RIPOR2: variants seen among roughly 807,000 people sequenced by gnomAD.
RIPOR2 encodes the protein RHO family interacting cell polarization regulator 2, also known as rho family-interacting cell polarization regulator 2.
RIPOR2 carries 39 observed loss-of-function variants against 114.5 expected under a neutral mutation model. The ratio of observed to expected loss-of-function variants is 0.34; its 90% CI spans 0.26 to 0.44. The LOEUF (loss-of-function observed/expected upper bound fraction) is 0.44, where lower values mean the gene tolerates loss of function less well. Ranked by LOEUF, RIPOR2 falls within the 20% of genes least tolerant of loss-of-function variation. The pLI, the probability that RIPOR2 is intolerant of heterozygous loss-of-function variation, is 1.00. For synonymous variants in RIPOR2, 445 were observed against 484.4 expected (o/e 0.92, Z 1.07); for missense variants, 1,007 against 1,255.1 (o/e 0.80, Z 2.99).
chr6:24,866,062 G>GAT (rs1179890347), intron 6 of RIPOR2, among the ~76,000 whole-genome samples: 1 of 152,084 alleles, frequency 6.6e-6, no homozygotes, highest in African/African-American at 2.4e-5. Flanking sequence ...GTAACTTGGG[G>GAT]ATATATATTG....
At chr6:24,884,550 G>A (rs1295461805) in intron 1 of RIPOR2, among the ~76,000 whole-genome samples, 4 of 152,120 alleles carry the variant, frequency 2.6e-5, no homozygotes, top group Admixed American at 6.5e-5. Flanking sequence ...TGACGTGAAC[G>A]GATGAAAAAA....
Position 24,883,703 on chromosome 6 carries a change from A to T in RIPOR2, c.62-7886T>A, listed in dbSNP as rs931845239. 1.3e-5 allele frequency among the ~76,000 whole-genome samples: 2 copies of T among 152,264 alleles called. No homozygotes were observed. Among genetic ancestry groups the T allele is most frequent in the Non-Finnish European group, 2.9e-5 (2 of 68,048 alleles). Reference sequence around the variant, plus strand: ...CAAGAGGAAGTGCCAAGAAATCAGGACTTGGAAAAGCTGAATCAGTAAGCA... The same window carrying T: ...CAAGAGGAAGTGCCAAGAAATCAGGTCTTGGAAAAGCTGAATCAGTAAGCA... On this transcript the variant is annotated intron_variant, in intron 1 of 21. Coordinates refer to ENST00000643898, the MANE Select transcript of RIPOR2 (RefSeq NM_001286445.3). This position sits in a 1 kb window ranked among gnomAD's most constrained non-coding sequence, Gnocchi z 4.1.
intron 13 of RIPOR2, chr6:24,840,581 G>T: frequency 6.7e-7 from 1 of 1,485,454 alleles, no homozygotes; most frequent in South Asian, 1.3e-5. Flanking sequence ...CCAGTTAGGT[G>T]ACACTCCTTG....
chr6:24,830,061 G>A (rs1406379341), intron 17 of RIPOR2, among the ~76,000 whole-genome samples: 1 of 152,166 alleles, frequency 6.6e-6, no homozygotes, highest in African/African-American at 2.4e-5. Flanking sequence ...TGCCTCCCAG[G>A]TTCAAGCGAT....
Position 25,031,747 on chromosome 6 carries a change from AT to A in RIPOR2, c.76+10103del, listed in dbSNP as rs1561855917. 2.3e-3 allele frequency among the ~76,000 whole-genome samples: 167 copies of A among 73,468 alleles called. 7 individuals are homozygous for A. Among genetic ancestry groups the A allele is most frequent in the Non-Finnish European group, 3.4e-3 (113 of 32,996 alleles). The allele number at this position is 73,468 out of a possible 152,430, so 48.2% of individuals were successfully genotyped here. ...TATATATATATATATATATATATATATATAAAATATCCATAGAATATATATA... is the reference window on the plus strand; with the variant it reads ...TATATATATATATATATATATATATAATAAAATATCCATAGAATATATATA... On this transcript the variant is annotated intron_variant, in intron 1 of 13. Transcript: ENST00000510784.
chr6:24,865,115 T>G (rs954024865), intron 7 of RIPOR2, among the ~76,000 whole-genome samples, 186 bp downstream of exon 7: 4 of 152,206 alleles, frequency 2.6e-5, no homozygotes, highest in Admixed American at 6.5e-5. Context: ...TCCCAGCTTA[T>G]TCATTCATTT....
In RIPOR2 at chr6:24,977,043, C is replaced by T. The variant is rs188129175; in HGVS notation, c.76+64808G>A. 111 of 1,404,670 alleles carry T rather than the reference C, an allele frequency of 7.9e-5. 1 individual carries two copies. Among genetic ancestry groups the T allele is most frequent in the South Asian group, 6.9e-4 (58 of 84,124 alleles). The allele number at this position is 1,404,670 out of a possible 1,614,324, so 87.0% of individuals were successfully genotyped here. On this transcript the variant is annotated intron_variant, in intron 1 of 13. Coordinates refer to the RIPOR2 transcript ENST00000510784. ...CCTTCTGTAGCTCAGGAGAGCACCC[C>T]TCCACCCCATTTGCTTGCAGTATCC...
intron 1 of RIPOR2, among the ~76,000 whole-genome samples, chr6:24,924,647 T>C (rs16889797): frequency 0.12 from 17,838 of 152,042 alleles, 1,370 homozygotes; most frequent in East Asian, 0.35. Flanking sequence ...TTTAAAAGAG[T>C]ATTAAAATAA....
At chr6:25,012,128 A>G (rs1318411696) in intron 1 of RIPOR2, among the ~76,000 whole-genome samples, 1 of 152,232 alleles carries the variant, frequency 6.6e-6, no homozygotes, top group Non-Finnish European at 1.5e-5. Flanking sequence ...ATCACATGAA[A>G]AGATACTCAG....
chr6:24,885,207 C>G (rs1341337748), intron 1 of RIPOR2, among the ~76,000 whole-genome samples: 1 of 151,982 alleles, frequency 6.6e-6, no homozygotes, highest in Non-Finnish European at 1.5e-5. Context: ...GAAGTGGTAC[C>G]TATTTCTGGG....
chr6:24,990,006 G>A (rs759132956), intron 1 of RIPOR2, among the ~76,000 whole-genome samples: 11 of 151,668 alleles, frequency 7.3e-5, no homozygotes, highest in Non-Finnish European at 1.3e-4. Context: ...ACTTCACCCT[G>A]GGCTATAGCA....
chr6:24,988,633 A>T (rs1774644586), intron 1 of RIPOR2, among the ~76,000 whole-genome samples: 1 of 152,026 alleles, frequency 6.6e-6, no homozygotes, highest in Admixed American at 6.6e-5. Context: ...TAGAAAAGAC[A>T]TCATATATTG....
At chr6:24,843,811 C>T (rs1384808842) in intron 12 of RIPOR2, among the ~76,000 whole-genome samples, 1 of 150,218 alleles carries the variant, frequency 6.7e-6, no homozygotes, top group Non-Finnish European at 1.5e-5. Context: ...AAGTTCATGG[C>T]AATAGTTTCA....
Position 24,850,504 on chromosome 6 carries a change from G to A in RIPOR2, c.885+93C>T, listed in dbSNP as rs1045538906. 45 of 1,395,496 alleles carry A rather than the reference G, an allele frequency of 3.2e-5. No homozygotes were observed. The Middle Eastern group carries it at 7.1e-4, about 22-fold the overall frequency. 86.4% of individuals were successfully genotyped at this position (1,395,496 alleles called of 1,614,324 possible). The stretch of plus-strand genomic sequence containing the variant: ...TGTGCAGAAAAGTCTGTGGGATGGA[G>A]GGGCAACAGGCAGGGGTCACGGGTA... On this transcript the variant is annotated intron_variant, in intron 10 of 21. Coordinates refer to ENST00000643898, the MANE Select transcript of RIPOR2 (RefSeq NM_001286445.3).
intron 1 of RIPOR2, among the ~76,000 whole-genome samples, chr6:24,878,921 TA>T (rs1766082169): frequency 7.1e-6 from 1 of 141,516 alleles, no homozygotes; most frequent in Non-Finnish European, 1.5e-5. Flanking sequence ...GATTGTAAAA[TA>T]ATTTTCCTTC....
At chr6:24,821,171 C>G (rs1425301360) in intron 19 of RIPOR2, among the ~76,000 whole-genome samples, 1 of 146,488 alleles carries the variant, frequency 6.8e-6, no homozygotes, top group African/African-American at 2.5e-5. Context: ...CCGCGCCCAG[C>G]CAGTTTAACA....
At chr6:24,839,050 G>A (rs1761380311) in intron 14 of RIPOR2, 41 bp downstream of exon 14, 1 of 1,488,514 alleles carries the variant, frequency 6.7e-7, no homozygotes, top group Non-Finnish European at 9.1e-7. Flanking sequence ...TGTATCAGCT[G>A]TGACAGGAGA....
chr6:24,964,788 C>T (rs1296995263), intron 1 of RIPOR2, among the ~76,000 whole-genome samples: 1 of 152,236 alleles, frequency 6.6e-6, no homozygotes, highest in Non-Finnish European at 1.5e-5. Flanking sequence ...TTCACATACT[C>T]ACCTGCATTT....
At chr6:24,927,364 ATC>A in intron 1 of RIPOR2, among the ~76,000 whole-genome samples, 2 of 145,232 alleles carry the variant, frequency 1.4e-5, no homozygotes, top group African/African-American at 5.2e-5. Context: ...CGTGAATATC[ATC>A]ATCATCACCT....
Sources: allele counts gnomAD v4.1 joint callset (sites outside exome capture counted in the v4.1 genomes callset), GRCh38; gene constraint gnomAD v4.1.1; non-coding constraint Gnocchi (gnomAD v3.1); transcripts MANE v1.5; gene names NCBI Gene and HGNC (gene_info 2026-07-23, HGNC 2026-07-21).